The following CLSTN2 variants were observed in gnomAD, a reference collection of about 807,000 sequenced individuals.
CLSTN2 encodes the protein calsyntenin-2.
Under a neutral mutation model 101.2 loss-of-function variants are expected in CLSTN2, and 48 were observed. The observed-to-expected ratio is 0.47, with a 90% CI of 0.38 to 0.60. CLSTN2 has a LOEUF of 0.60. CLSTN2 is among the 20% of genes least tolerant of loss of function. The probability of loss-of-function intolerance (pLI) is 0.00; values close to 1 mark genes in which losing one functional copy is unlikely to be tolerated. For missense variants in CLSTN2, 1,160 were observed against 1,238.2 expected, an observed-to-expected ratio of 0.94 and a Z score of 0.95; for synonymous variants, 481 against 463.6, an observed-to-expected ratio of 1.04 and a Z score of -0.48.
intron 5 of CLSTN2, among the ~76,000 whole-genome samples, chr3:140,422,850 T>A (rs1470449768): frequency 6.6e-6 from 1 of 152,166 alleles, no homozygotes; most frequent in African/African-American, 2.4e-5. Flanking sequence ...CAATTGTGGG[T>A]GCTCAAGAAA....
chr3:140,455,294 G>A (rs1269841513), intron 6 of CLSTN2, among the ~76,000 whole-genome samples: 1 of 152,184 alleles, frequency 6.6e-6, no homozygotes, highest in Non-Finnish European at 1.5e-5. Flanking sequence ...CACAACTGGT[G>A]GCCCCATGTC....
intron 2 of CLSTN2, among the ~76,000 whole-genome samples, chr3:140,398,535 A>G (rs1337371187): frequency 6.6e-6 from 1 of 152,166 alleles, no homozygotes; most frequent in Non-Finnish European, 1.5e-5. Flanking sequence ...AACCCTTACA[A>G]AGTGTCTTGG....
Position 140,404,621 on chromosome 3 carries a change from C to CT in CLSTN2, c.493dup (p.Tyr165LeufsTer12). 1 of 1,614,224 alleles carries CT rather than the reference C, an allele frequency of 6.2e-7. No individual in the cohort carries two copies. The highest frequency in any genetic ancestry group is 8.5e-7 in the Non-Finnish European group (1 of 1,180,032). On this transcript the variant is annotated frameshift_variant, in exon 4 of 17. Transcript: ENST00000458420. LOFTEE classifies it high-confidence loss of function. The stretch of plus-strand genomic sequence containing the variant: ...TTGCTCCCACCTTCAAAGAGCCAGC[C>CT]TACAAGGCTGTTGTGACGGAGGGCA...
intron 2 of CLSTN2, among the ~76,000 whole-genome samples, chr3:140,282,803 C>T (rs529155679): frequency 6.6e-6 from 1 of 152,280 alleles, no homozygotes; most frequent in South Asian, 2.1e-4. Flanking sequence ...AGATTTCTCT[C>T]ACTGTGCTGT....
chr3:139,979,047 T>C (rs1409683619), intron 1 of CLSTN2, among the ~76,000 whole-genome samples: 1 of 152,124 alleles, frequency 6.6e-6, no homozygotes, highest in Non-Finnish European at 1.5e-5. Flanking sequence ...ACCCAGGGGA[T>C]CCCCTTGTAC....
At chr3:139,988,244 G>A (rs1474250417) in intron 1 of CLSTN2, among the ~76,000 whole-genome samples, 1 of 152,096 alleles carries the variant, frequency 6.6e-6, no homozygotes, top group Admixed American at 6.6e-5. Context: ...ACTTTGTTGG[G>A]CCCAATTAGA....
intron 2 of CLSTN2, among the ~76,000 whole-genome samples, chr3:140,269,005 G>A (rs2086718744): frequency 6.6e-6 from 1 of 152,088 alleles, no homozygotes; most frequent in East Asian, 1.9e-4. Flanking sequence ...TAATTGATCA[G>A]GGACGTCTTG....
intron 1 of CLSTN2, among the ~76,000 whole-genome samples, chr3:140,004,619 T>C (rs2006917208): frequency 6.6e-6 from 1 of 152,172 alleles, no homozygotes; most frequent in South Asian, 2.1e-4. Context: ...ACTAACATAG[T>C]GGAGATTTTC....
At chr3:140,300,765 A>T (rs947349668) in intron 2 of CLSTN2, among the ~76,000 whole-genome samples, 1 of 152,022 alleles carries the variant, frequency 6.6e-6, no homozygotes, top group Non-Finnish European at 1.5e-5. Flanking sequence ...GTAGATCTGG[A>T]TTAGTCAGGG....
intron 5 of CLSTN2, among the ~76,000 whole-genome samples, chr3:140,441,546 A>G (rs933665020): frequency 1.8e-4 from 28 of 152,224 alleles, no homozygotes; most frequent in Non-Finnish European, 3.8e-4. Flanking sequence ...AGAGAGGTTA[A>G]GTAACTGCCG....
intron 12 of CLSTN2, among the ~76,000 whole-genome samples, chr3:140,559,535 A>AT (rs1935868015): frequency 7.7e-6 from 1 of 130,310 alleles, no homozygotes; most frequent in Non-Finnish European, 1.6e-5. Context: ...GCTGAAAGCT[A>AT]TAGTATATGC....
Position 140,462,418 on chromosome 3 carries a change from G to A in CLSTN2, c.1222+2649G>A, listed in dbSNP as rs934182611. ...AAGAGTATTCTGGTATATACCTTTT[G>A]GACATTTCTTATTATTTCAGCCAGA... On this transcript the variant is annotated intron_variant, in intron 7 of 16. Coordinates refer to ENST00000458420, the MANE Select transcript of CLSTN2 (RefSeq NM_022131.3). Among the ~76,000 whole-genome samples the A allele has an allele frequency of 3.3e-5, 5 of 152,104 alleles. No individual in the cohort carries two copies. In the East Asian group the frequency reaches 9.7e-4, roughly 29 times the overall value.
intron 5 of CLSTN2, among the ~76,000 whole-genome samples, chr3:140,448,242 T>C (rs991641515): frequency 4.8e-5 from 7 of 144,422 alleles, no homozygotes; most frequent in African/African-American, 1.6e-4. Context: ...TGTGTGTGTG[T>C]GCTCATGTGA....
At chr3:140,411,949 C>A (rs2088369291) in intron 4 of CLSTN2, among the ~76,000 whole-genome samples, 1 of 152,124 alleles carries the variant, frequency 6.6e-6, no homozygotes, top group Non-Finnish European at 1.5e-5. Context: ...AAAAACAGAC[C>A]AATGGGCCTA....
In CLSTN2 at chr3:140,459,634, G is replaced by T. The variant is rs746443873; in HGVS notation, c.1087G>T (p.Gly363Cys). ...GATCTTCAAGTTTGACGGCAGGCAG[G>T]GTGCCAAAGTCCCCGATGGGATTGT... ...EMIFKFDGRQGAKVPDGIVPK... is the reference protein window; with the variant it reads ...EMIFKFDGRQCAKVPDGIVPK... Residue 363 changes from glycine (G) to cysteine (C), a missense_variant, in exon 7 of 17, where the codon GGT (glycine) becomes TGT (cysteine). Coordinates refer to ENST00000458420, the MANE Select transcript of CLSTN2 (RefSeq NM_022131.3). 7.4e-6 allele frequency: 12 copies of T among 1,614,128 alleles called. No individual in the cohort carries two copies. The Admixed American group carries it at 8.3e-5, about 11-fold the overall frequency.
In CLSTN2 at chr3:140,403,847, C is replaced by T. The variant is rs370042302; in HGVS notation, c.428+23C>T. 5 of 1,582,054 alleles carry T rather than the reference C, an allele frequency of 3.2e-6. No homozygotes were observed. In the South Asian group the frequency reaches 5.8e-5, roughly 18 times the overall value. On this transcript the variant is annotated intron_variant, in intron 3 of 16. Coordinates refer to ENST00000458420, the MANE Select transcript of CLSTN2 (RefSeq NM_022131.3). ...CAAGTGAGTGGCCTGACAGAGCCCTCTGGACGCCCCTCCCTCCCGTGCCCA... is the reference window on the plus strand; with the variant it reads ...CAAGTGAGTGGCCTGACAGAGCCCTTTGGACGCCCCTCCCTCCCGTGCCCA...
At chr3:140,374,881 G>T (rs1269729634) in intron 2 of CLSTN2, among the ~76,000 whole-genome samples, 1 of 152,218 alleles carries the variant, frequency 6.6e-6, no homozygotes, top group Admixed American at 6.5e-5. Context: ...TTTGAGAGAA[G>T]GAAGTTGGTC....
intron 1 of CLSTN2, among the ~76,000 whole-genome samples, chr3:140,025,132 T>C (rs1034670611): frequency 2.6e-5 from 4 of 152,180 alleles, no homozygotes; most frequent in Non-Finnish European, 5.9e-5. Context: ...CAGCTCCCCA[T>C]TTTTTGTTTG....
intron 2 of CLSTN2, among the ~76,000 whole-genome samples, chr3:140,216,284 C>G (rs1459044758): frequency 6.6e-6 from 1 of 151,760 alleles, no homozygotes; most frequent in Non-Finnish European, 1.5e-5. Context: ...TTGGCGACCA[C>G]GAATTAGAGG....
Sources: allele counts gnomAD v4.1 joint callset (sites outside exome capture counted in the v4.1 genomes callset), GRCh38; gene constraint gnomAD v4.1.1; transcripts MANE v1.5; gene names NCBI Gene and HGNC (gene_info 2026-07-23, HGNC 2026-07-21).